MIX23: variants seen among roughly 807,000 people sequenced by gnomAD.
The protein encoded by MIX23 is protein MIX23.
MIX23 carries 13 observed loss-of-function variants against 21.6 expected under a neutral mutation model. That is an observed-to-expected ratio of 0.60 (90% CI 0.39 to 0.96). The LOEUF (loss-of-function observed/expected upper bound fraction) is 0.96. MIX23 is among the 40% of genes least tolerant of loss of function. The probability of loss-of-function intolerance (pLI) is 0.00; values close to 1 mark genes in which losing one functional copy is unlikely to be tolerated. For missense variants in MIX23, 144 were observed against 171.2 expected, an observed-to-expected ratio of 0.84 and a Z score of 0.89; for synonymous variants, 59 against 58.0, an observed-to-expected ratio of 1.02 and a Z score of -0.08.
In MIX23 at chr3:122,359,861, A is replaced by AAAAAAAAAAAAATT; in HGVS notation, c.*7_*8insAATTTTTTTTTTTT. ...AAAAAAAAAAAAAAAAAAAAAAAGA[A>AAAAAAAAAAAAATT]TCTCTCTTTATTCATTCTTTGGAGG... is the stretch of plus-strand genomic sequence containing the variant. On this transcript the variant is annotated 3_prime_UTR_variant, in exon 5 of 5. Coordinates refer to ENST00000291458, the MANE Select transcript of MIX23 (RefSeq NM_001017928.4). 1.3e-6 allele frequency: 2 copies of AAAAAAAAAAAAATT among 1,488,606 alleles called. No individual in the cohort carries two copies. Among genetic ancestry groups the AAAAAAAAAAAAATT allele is most frequent in the Non-Finnish European group, 1.8e-6 (2 of 1,107,564 alleles). 92.2% of individuals were successfully genotyped at this position (1,488,606 alleles called of 1,614,324 possible). A position where few individuals can be genotyped will look rare whatever the true frequency, so the allele number is the denominator to read the frequency against.
intron 1 of MIX23, among the ~76,000 whole-genome samples, chr3:122,377,464 AAAAGT>A (rs969124327): frequency 1.8e-4 from 28 of 152,358 alleles, no homozygotes; most frequent in African/African-American, 6.7e-4. Flanking sequence ...TCTTACATCT[AAAAGT>A]AAAGGAAAAA....
At chr3:122,381,728 T>A (rs28665227) in intron 1 of MIX23, among the ~76,000 whole-genome samples, 4,240 of 127,372 alleles carry the variant, frequency 0.033, no homozygotes, top group Middle Eastern at 0.041. Flanking sequence ...AAAAAAAAAA[T>A]AAAAAAAAAA....
chr3:122,368,144 T>C (rs761464244), intron 3 of MIX23, 32 bp downstream of exon 3: 14 of 1,605,622 alleles, frequency 8.7e-6, no homozygotes, highest in African/African-American at 1.3e-5. Flanking sequence ...GGAAAAACTT[T>C]GCCTGAGAAA....
chr3:122,378,026 T>C (rs550269206), intron 1 of MIX23, among the ~76,000 whole-genome samples: 1 of 152,138 alleles, frequency 6.6e-6, no homozygotes, highest in African/African-American at 2.4e-5. Flanking sequence ...TTATTAGAGG[T>C]CATATGATAG....
intron 1 of MIX23, among the ~76,000 whole-genome samples, chr3:122,382,432 A>T (rs1343945790): frequency 6.6e-6 from 1 of 152,338 alleles, no homozygotes; most frequent in East Asian, 1.9e-4. Context: ...CAGATAGGTC[A>T]ATTTTTCAGT....
chr3:122,363,424 G>C (rs2075374348), intron 3 of MIX23, among the ~76,000 whole-genome samples: 1 of 151,776 alleles, frequency 6.6e-6, no homozygotes. Flanking sequence ...CATTAGTGAA[G>C]GTACGTGAAA....
At chr3:122,365,659 G>C (rs1191183644) in intron 3 of MIX23, 2 of 152,162 alleles carry the variant, frequency 1.3e-5, no homozygotes. Context: ...CAGATCTCAA[G>C]GCTGAGCAAA....
intron 4 of MIX23, among the ~76,000 whole-genome samples, chr3:122,361,506 A>G (rs1287800557): frequency 6.6e-6 from 1 of 152,100 alleles, no homozygotes; most frequent in Non-Finnish European, 1.5e-5. Flanking sequence ...CCATGGCTAC[A>G]TTTTCTTCTT....
At chr3:122,373,662 G>A (rs1279898987) in intron 1 of MIX23, among the ~76,000 whole-genome samples, 2 of 152,126 alleles carry the variant, frequency 1.3e-5, no homozygotes, top group African/African-American at 2.4e-5. Context: ...AAACATTTAG[G>A]TTGTTTCCAA....
intron 1 of MIX23, among the ~76,000 whole-genome samples, chr3:122,380,241 G>A (rs2075520075): frequency 6.6e-6 from 1 of 152,124 alleles, no homozygotes. Flanking sequence ...ATGGTACCCA[G>A]AAGTAATGTC....
At chr3:122,378,992 G>T (rs2075509732) in intron 1 of MIX23, among the ~76,000 whole-genome samples, 2 of 152,190 alleles carry the variant, frequency 1.3e-5, no homozygotes, top group South Asian at 4.1e-4. Flanking sequence ...ATCACAGAAA[G>T]TCCTACTGGA....
intron 3 of MIX23, among the ~76,000 whole-genome samples, chr3:122,363,775 A>T (rs1231620878): frequency 6.7e-6 from 1 of 149,488 alleles, no homozygotes; most frequent in Non-Finnish European, 1.5e-5. Flanking sequence ...AGCTTTCTTT[A>T]TAACTGCCAA....
intron 4 of MIX23, among the ~76,000 whole-genome samples, chr3:122,360,622 T>A (rs1223404845): frequency 6.6e-6 from 1 of 152,114 alleles, no homozygotes; most frequent in Non-Finnish European, 1.5e-5. Flanking sequence ...ATTAAAAAAA[T>A]TTAAATCATG....
intron 4 of MIX23, among the ~76,000 whole-genome samples, chr3:122,360,913 G>A (rs1270174435): frequency 2.0e-5 from 3 of 151,954 alleles, no homozygotes; most frequent in Non-Finnish European, 4.4e-5. Context: ...GCGTGATCTC[G>A]GCTCACTGAA....
At chr3:122,377,665 A>G (rs2075498591) in intron 1 of MIX23, among the ~76,000 whole-genome samples, 1 of 152,148 alleles carries the variant, frequency 6.6e-6, no homozygotes, top group South Asian at 2.1e-4. Flanking sequence ...CCTGGGCAAC[A>G]CAGTAAGACT....
At chr3:122,362,400 T>C (rs1349440598) in intron 4 of MIX23, among the ~76,000 whole-genome samples, 1 of 152,184 alleles carries the variant, frequency 6.6e-6, no homozygotes, top group Admixed American at 6.5e-5. Flanking sequence ...TTAGGAGACA[T>C]AGAGAATGTC....
rs1402743889 is a variant in MIX23, at chr3:122,383,023, C to T, written c.51+151G>A. 1.5e-5 allele frequency: 15 copies of T among 1,005,934 alleles called. No individual in the cohort carries two copies. The South Asian group carries it at 1.8e-4, about 12-fold the overall frequency. 62.3% of individuals were successfully genotyped at this position (1,005,934 alleles called of 1,614,324 possible). Reference sequence around the variant, plus strand: ...AGCAGCCTCGCTCCCTAAGGCCAAACCCGCGCCCCCCATGACCTCCAATGG... The same window carrying T: ...AGCAGCCTCGCTCCCTAAGGCCAAATCCGCGCCCCCCATGACCTCCAATGG... On this transcript the variant is annotated intron_variant, in intron 1 of 4. Transcript: ENST00000291458.
At chr3:122,376,480 G>A (rs2075488041) in intron 1 of MIX23, among the ~76,000 whole-genome samples, 1 of 152,072 alleles carries the variant, frequency 6.6e-6, no homozygotes, top group Non-Finnish European at 1.5e-5. Flanking sequence ...ATAGCTGGGT[G>A]TGGTGGTAGG....
intron 3 of MIX23, among the ~76,000 whole-genome samples, chr3:122,364,798 C>A (rs2075384355): frequency 6.6e-6 from 1 of 152,140 alleles, no homozygotes; most frequent in African/African-American, 2.4e-5. Flanking sequence ...TACTTTGTAG[C>A]AGCCAATATG....
Sources: allele counts gnomAD v4.1 joint callset (sites outside exome capture counted in the v4.1 genomes callset), GRCh38; gene constraint gnomAD v4.1.1; transcripts MANE v1.5; gene names NCBI Gene and HGNC (gene_info 2026-07-23, HGNC 2026-07-21).